Variants in CCSAP observed in about 807,000 individuals in gnomAD.
CCSAP encodes centriole, cilia and spindle-associated protein.
CCSAP carries 17 observed loss-of-function variants against 25.9 expected under a neutral mutation model. That is an observed-to-expected ratio of 0.66 (90% CI 0.45 to 0.99). The LOEUF (loss-of-function observed/expected upper bound fraction) is 0.99, where lower values mean the gene tolerates loss of function less well. Ranked by LOEUF, CCSAP falls within the 50% of genes least tolerant of loss-of-function variation. The pLI is 0.00. For missense variants in CCSAP, 339 were observed against 367.8 expected, an observed-to-expected ratio of 0.92 and a Z score of 0.64; for synonymous variants, 169 against 157.1, an observed-to-expected ratio of 1.08 and a Z score of -0.57.
rs1325853054 is a variant in CCSAP, at chr1:229,323,053, G to T, written c.*2182C>A. The T allele has an allele frequency of 6.6e-6, 1 of 152,106 alleles. No homozygotes were observed. The highest frequency in any genetic ancestry group is 1.5e-5 in the Non-Finnish European group (1 of 68,016). The allele number at this position is 152,106 out of a possible 1,614,324, so 9.4% of individuals were successfully genotyped here. A position where few individuals can be genotyped will look rare whatever the true frequency, so the allele number is the denominator to read the frequency against. On this transcript the variant is annotated 3_prime_UTR_variant, in exon 4 of 4. Transcript: ENST00000284617. ...CTATCAAATTTTCACAGGTTCAAAAGGTAATTGACACTCTTTAAAAAAGAA... is the reference window on the plus strand; with the variant it reads ...CTATCAAATTTTCACAGGTTCAAAATGTAATTGACACTCTTTAAAAAAGAA...
rs55718200 is a variant in CCSAP, at chr1:229,338,538, A to AACACACACAC, written c.367+3551_367+3560dup. 3.1e-3 allele frequency among the ~76,000 whole-genome samples: 439 copies of AACACACACAC among 141,894 alleles called. 1 individual carries two copies. The highest frequency in any genetic ancestry group is 9.9e-3 in the African/African-American group (376 of 38,100). The allele number at this position is 141,894 out of a possible 152,430, so 93.1% of individuals were successfully genotyped here. On this transcript the variant is annotated intron_variant, in intron 2 of 3. Transcript: ENST00000284617. ...ACAAGCACTTCCACCCCCAAACCCC[A>AACACACACAC]ACACACACACACACACACACACACA... is the stretch of plus-strand genomic sequence containing the variant.
At chr1:229,331,072 TAAATG>T (rs1658057491) in intron 2 of CCSAP, among the ~76,000 whole-genome samples, 1 of 152,028 alleles carries the variant, frequency 6.6e-6, no homozygotes, top group Admixed American at 6.6e-5. Context: ...CTGGAAAAGC[TAAATG>T]AAATTCAAAA....
At chr1:229,336,831 A>G (rs1266116898) in intron 2 of CCSAP, among the ~76,000 whole-genome samples, 1 of 152,216 alleles carries the variant, frequency 6.6e-6, no homozygotes, top group African/African-American at 2.4e-5. Context: ...ATCTGAAAAC[A>G]GAATGCTATT....
In CCSAP at chr1:229,330,571, G is replaced by A. The variant is rs989563188; in HGVS notation, c.368-3565C>T. On this transcript the variant is annotated intron_variant, in intron 2 of 3. Transcript: ENST00000284617. ...GAAAAAGAAAGTGCAGGCCGGGCGCGGTGGCTCACGCCTATAATCCCAGCA... is the reference window on the plus strand; with the variant it reads ...GAAAAAGAAAGTGCAGGCCGGGCGCAGTGGCTCACGCCTATAATCCCAGCA... Among the ~76,000 whole-genome samples the A allele has an allele frequency of 3.2e-4, 48 of 152,184 alleles. 1 individual carries two copies. Among genetic ancestry groups the A allele is most frequent in the African/African-American group, 9.9e-4 (41 of 41,456 alleles).
In CCSAP at chr1:229,322,961, AC is replaced by A. The variant is rs1657861255; in HGVS notation, c.*2273del. ...TTGCAGGTTGTCCCAAGAATTAGGA[AC>A]ATGATTACAACCACATTCATTTCTA... On this transcript the variant is annotated 3_prime_UTR_variant, in exon 4 of 4. Transcript: ENST00000284617. 6.6e-6 allele frequency: 1 copy of A among 152,228 alleles called. No individual in the cohort carries two copies. Among genetic ancestry groups the A allele is most frequent in the South Asian group, 2.1e-4 (1 of 4,828 alleles). The allele number at this position is 152,228 out of a possible 1,614,324, so 9.4% of individuals were successfully genotyped here.
In CCSAP at chr1:229,323,340, C is replaced by T. The variant is rs374284948; in HGVS notation, c.*1895G>A. ...TGGCGGTTCAAAGTCTAGAGGAAGT[C>T]GGGTTTCTAAGGCAGTCCGTCAGTG... On this transcript the variant is annotated 3_prime_UTR_variant, in exon 4 of 4. Transcript: ENST00000284617. 6 of 152,192 alleles carry T rather than the reference C, an allele frequency of 3.9e-5. No homozygotes were observed. The highest frequency in any genetic ancestry group is 1.4e-4 in the African/African-American group (6 of 41,436). 9.4% of individuals were successfully genotyped at this position (152,192 alleles called of 1,614,324 possible). A position where few individuals can be genotyped will look rare whatever the true frequency, so the allele number is the denominator to read the frequency against.
intron 2 of CCSAP, chr1:229,327,536 C>G (rs1302123533): frequency 4.4e-6 from 2 of 456,220 alleles, no homozygotes; most frequent in South Asian, 1.5e-5. Context: ...TCGTTACCGC[C>G]TAGGTGCGCA....
Position 229,327,004 on chromosome 1 carries a change from G to T in CCSAP, c.370C>A (p.Leu124Met). 1 of 1,601,028 alleles carries T rather than the reference G, an allele frequency of 6.2e-7. No homozygotes were observed. Among genetic ancestry groups the T allele is most frequent in the Non-Finnish European group, 8.5e-7 (1 of 1,173,092 alleles). Residue 124 changes from leucine (L) to methionine (M), a missense_variant and splice_region_variant, in exon 3 of 4, where the codon CTG becomes ATG. Physicochemically the swap from Leu to Met is conservative, Grantham distance 15. Coordinates refer to ENST00000284617, the MANE Select transcript of CCSAP (RefSeq NM_145257.5). The part of the protein sequence containing the change: ...EDAEDAALPA[L>M]PVKDVEDKPE... ...TTATCTTCTACATCTTTCACTGGCA[G>T]TGCTTTTGAAAAGAGATAAATGAGA...
In CCSAP at chr1:229,325,185, C is replaced by T; in HGVS notation, c.*50G>A. ...TTTGATGGTTTTTGTTTTGTTTTTC[C>T]TTTCAGTCATTTACACTTTTTAAAA... On this transcript the variant is annotated 3_prime_UTR_variant, in exon 4 of 4. Transcript: ENST00000284617. 2.4e-5 allele frequency: 36 copies of T among 1,482,676 alleles called. No homozygotes were observed. Among genetic ancestry groups the T allele is most frequent in the Middle Eastern group, 1.8e-4 (1 of 5,554 alleles). The allele number at this position is 1,482,676 out of a possible 1,614,324, so 91.8% of individuals were successfully genotyped here.
chr1:229,329,655 C>T (rs986551963), intron 2 of CCSAP, among the ~76,000 whole-genome samples: 2 of 152,132 alleles, frequency 1.3e-5, no homozygotes, highest in African/African-American at 2.4e-5. Context: ...AAAAACACAC[C>T]GATCAGACCA....
At chr1:229,328,634 T>C (rs559241419) in intron 2 of CCSAP, among the ~76,000 whole-genome samples, 53 of 152,328 alleles carry the variant, frequency 3.5e-4, no homozygotes, top group African/African-American at 1.3e-3. Context: ...AGATTGCTAT[T>C]ACAATCTATA....
At chr1:229,340,464 C>T in intron 2 of CCSAP, 1 of 714,242 alleles carries the variant, frequency 1.4e-6, no homozygotes, top group Non-Finnish European at 2.6e-6. Flanking sequence ...ATTTATATTG[C>T]ATGCAAATAT....
intron 2 of CCSAP, chr1:229,340,631 C>A (rs746457835): frequency 8.2e-6 from 4 of 485,662 alleles, no homozygotes; most frequent in Non-Finnish European, 1.5e-5. Flanking sequence ...GCATTTCTAG[C>A]AGTGATCACT....
At position 229,337,698 on chromosome 1, in the gene CCSAP, T is replaced by TAC. The variant is rs58144091; in HGVS notation, c.367+4399_367+4400dup. Among the ~76,000 whole-genome samples the TAC allele has an allele frequency of 1.4e-3, 84 of 60,508 alleles. 1 individual carries two copies. Among genetic ancestry groups the TAC allele is most frequent in the Middle Eastern group, 6.5e-3 (1 of 154 alleles). The allele number at this position is 60,508 out of a possible 152,430, so 39.7% of individuals were successfully genotyped here. A position where few individuals can be genotyped will look rare whatever the true frequency, so the allele number is the denominator to read the frequency against. ...AAAAAAATATATATATATATATATATACACATACATATATATATATGTATA... is the reference window on the plus strand; with the variant it reads ...AAAAAAATATATATATATATATATATACACACATACATATATATATATGTATA... On this transcript the variant is annotated intron_variant, in intron 2 of 3. Transcript: ENST00000284617.
At chr1:229,340,059 T>C (rs1034398280) in intron 2 of CCSAP, among the ~76,000 whole-genome samples, 23 of 152,332 alleles carry the variant, frequency 1.5e-4, no homozygotes, top group Middle Eastern at 3.4e-3. Flanking sequence ...GCTGATGTGC[T>C]TTTGTAATAA....
intron 2 of CCSAP, among the ~76,000 whole-genome samples, chr1:229,333,884 AAATAAT>A (rs1180215615): frequency 6.6e-6 from 1 of 152,172 alleles, no homozygotes; most frequent in African/African-American, 2.4e-5. Flanking sequence ...CCATCTCAAA[AAATAAT>A]AATAATAATT....
chr1:229,342,299 C>T lies in CCSAP; in HGVS notation c.167G>A (p.Gly56Asp). The change falls in exon 2 of 4, where the codon GGC becomes GAC. Residue 56 changes from glycine (G) to aspartate (D), a missense_variant. Gly to Asp is a moderately conservative substitution (Grantham distance 94). Transcript: ENST00000284617. This position sits in a 1 kb window ranked among gnomAD's most constrained non-coding sequence, Gnocchi z 7.5. ...TGACGACGCCGAGTCCTCCGAGGAGCCGGCCGGGCCCCAGTCGTCCCAGAG... is the reference window on the plus strand; with the variant it reads ...TGACGACGCCGAGTCCTCCGAGGAGTCGGCCGGGCCCCAGTCGTCCCAGAG... ...PWLWDDWGPA[G>D]SSEDSASSES... 7.0e-7 allele frequency: 1 copy of T among 1,418,958 alleles called. No homozygotes were observed. The highest frequency in any genetic ancestry group is 1.5e-5 in the South Asian group (1 of 66,302). The allele number at this position is 1,418,958 out of a possible 1,614,324, so 87.9% of individuals were successfully genotyped here.
chr1:229,330,718 G>A (rs372948126), intron 2 of CCSAP, among the ~76,000 whole-genome samples: 4 of 151,944 alleles, frequency 2.6e-5, no homozygotes, highest in South Asian at 2.1e-4. Flanking sequence ...GGTGGCAGGC[G>A]CCTGTAGTCC....
In CCSAP at chr1:229,342,241, C is replaced by G; in HGVS notation, c.225G>C (p.Arg75=). 3.2e-6 allele frequency: 4 copies of G among 1,267,422 alleles called. No homozygotes were observed. The highest frequency in any genetic ancestry group is 4.0e-6 in the Non-Finnish European group (4 of 1,009,860). The allele number at this position is 1,267,422 out of a possible 1,614,324, so 78.5% of individuals were successfully genotyped here. A position where few individuals can be genotyped will look rare whatever the true frequency, so the allele number is the denominator to read the frequency against. ...GCGGCGGGGGCGAGGGCGGGGCGCA[C>G]CGGGGTGCGGGGCCCCCGGCGCCCG... ...ESSGAGGPAP[R]CAPPSPPPPV... The change falls in exon 2 of 4, where the codon CGG becomes CGC. Residue 75 remains arginine, a synonymous_variant. Transcript: ENST00000284617. The surrounding 1 kb of genome is among the most constrained non-coding windows in gnomAD (Gnocchi z 7.5).
Sources: allele counts gnomAD v4.1 joint callset (sites outside exome capture counted in the v4.1 genomes callset), GRCh38; gene constraint gnomAD v4.1.1; non-coding constraint Gnocchi (gnomAD v3.1); transcripts MANE v1.5; gene names NCBI Gene and HGNC (gene_info 2026-07-23, HGNC 2026-07-21).